The following APOC4 variants were observed in gnomAD, a reference collection of about 807,000 sequenced individuals.
The protein encoded by APOC4 is apolipoprotein C-IV.
In APOC4, 10 loss-of-function variants were observed where a neutral mutation model predicts 8.4. That is an observed-to-expected ratio of 1.19 (90% confidence interval 0.74 to 2.03). APOC4 has a LOEUF of 2.03. APOC4 is among the 30% of genes most tolerant of loss of function. The pLI, the probability that APOC4 is intolerant of heterozygous loss-of-function variation, is 0.00. For synonymous variants in APOC4, 59 were observed against 65.8 expected (o/e 0.90, Z 0.50); for missense variants, 160 against 156.1 (o/e 1.02, Z -0.13).
In APOC4 at chr19:44,942,348, T is replaced by C. The variant is rs774128549; in HGVS notation, c.71T>C (p.Ile24Thr). The C allele has an allele frequency of 5.6e-5, 90 of 1,612,410 alleles. No individual in the cohort carries two copies. Among genetic ancestry groups the C allele is most frequent in the South Asian group, 2.7e-4 (25 of 90,924 alleles). Residue 24 changes from isoleucine to threonine, a missense_variant, in exon 1 of 3, where the codon ATT becomes ACT. By Grantham distance (89) the Ile-to-Thr change is moderately conservative. Transcript: ENST00000592954. Reference sequence around the variant, plus strand: ...CTCTGCGTGCTGGTCCTGGCCTGCATTGGGGGTGAGAAGAAGTGGGTGGAG... The same window carrying C: ...CTCTGCGTGCTGGTCCTGGCCTGCACTGGGGGTGAGAAGAAGTGGGTGGAG... ...LCLCVLVLAC[I>T]GACQPEAQEG...
chr19:44,944,977 A>T, intron 2 of APOC4, 87 bp downstream of exon 2: 1 of 1,526,898 alleles, frequency 6.5e-7, no homozygotes, highest in South Asian at 1.3e-5. Context: ...AGTCTCAGGG[A>T]GGAGGAAAGG....
intron 1 of APOC4, among the ~76,000 whole-genome samples, chr19:44,943,651 C>A (rs186451745): frequency 6.6e-6 from 1 of 151,590 alleles, no homozygotes; most frequent in African/African-American, 2.4e-5. Context: ...CACTTGAACC[C>A]GGGAGGCAGA....
chr19:44,944,477 A>C (rs1476202625), intron 1 of APOC4, among the ~76,000 whole-genome samples: 1 of 151,874 alleles, frequency 6.6e-6, no homozygotes, highest in Non-Finnish European at 1.5e-5. Context: ...CAATGAGACG[A>C]GATCATGACA....
rs748169805 is a variant in APOC4, at chr19:44,945,260, C to T, written c.339C>T (p.His113=). The T allele has an allele frequency of 1.2e-6, 2 of 1,614,066 alleles. No individual in the cohort carries two copies. The highest frequency in any genetic ancestry group is 1.1e-5 in the South Asian group (1 of 91,078). ...AAGACAGCCTCTTGAAGAAGACCCA[C>T]AGCCTGTGCCCCAGGCTTGTCTGTG... ...ESKDSLLKKT[H]SLCPRLVCGD... Residue 113 remains histidine (H), a synonymous_variant, in exon 3 of 3, where the codon CAC becomes CAT. Coordinates refer to ENST00000592954, the MANE Select transcript of APOC4 (RefSeq NM_001646.3).
In APOC4 at chr19:44,942,298, G is replaced by A. The variant is rs565473757; in HGVS notation, c.21G>A (p.Arg7=). 1 of 1,613,010 alleles carries A rather than the reference G, an allele frequency of 6.2e-7. No homozygotes were observed. The highest frequency in any genetic ancestry group is 8.5e-7 in the Non-Finnish European group (1 of 1,179,504). MSLLRN[R]LQALPALCLC... is the part of the protein sequence containing the mutation. ...CAGAAATGTCCCTCCTCAGAAACAG[G>A]CTCCAGGCCCTGCCTGCCCTGTGCC... The change falls in exon 1 of 3, where the codon AGG becomes AGA. Residue 7 remains arginine, a synonymous_variant. Transcript: ENST00000592954.
In APOC4 at chr19:44,943,671, G is replaced by A. The variant is rs552641893; in HGVS notation, c.77-1078G>A. On this transcript the variant is annotated intron_variant, in intron 1 of 2. Transcript: ENST00000592954. ...GAACCCGGGAGGCAGAGGTTGCAGT[G>A]AGCCGAGATCGCGCCACTGCATTCC... is the stretch of plus-strand genomic sequence containing the variant. 3.2e-4 allele frequency among the ~76,000 whole-genome samples: 49 copies of A among 151,948 alleles called. 2 individuals carry two copies. The highest frequency in any genetic ancestry group is 1.1e-3 in the African/African-American group (47 of 41,466).
Position 44,945,386 on chromosome 19 carries a change from T to G in APOC4, c.*81T>G, listed in dbSNP as rs970658318. 2.7e-6 allele frequency: 4 copies of G among 1,468,318 alleles called. No homozygotes were observed. In the African/African-American group the frequency reaches 5.6e-5, roughly 21 times the overall value. 91.0% of individuals were successfully genotyped at this position (1,468,318 alleles called of 1,614,324 possible). On this transcript the variant is annotated 3_prime_UTR_variant, in exon 3 of 3. Coordinates refer to ENST00000592954, the MANE Select transcript of APOC4 (RefSeq NM_001646.3). Reference sequence around the variant, plus strand: ...AGGAGGCTGAGGTAGGATGATGGCTTGAGCCCAGGAGTTCGAGACCAGCCT... The same window carrying G: ...AGGAGGCTGAGGTAGGATGATGGCTGGAGCCCAGGAGTTCGAGACCAGCCT...
At chr19:44,944,189 A>G (rs1970290577) in intron 1 of APOC4, among the ~76,000 whole-genome samples, 1 of 152,072 alleles carries the variant, frequency 6.6e-6, no homozygotes, top group Non-Finnish European at 1.5e-5. Context: ...AGGCCATTAG[A>G]GGGGAACCAC....
chr19:44,942,591 G>A (rs1167429062), intron 1 of APOC4, among the ~76,000 whole-genome samples: 1 of 149,876 alleles, frequency 6.7e-6, no homozygotes. Flanking sequence ...CGTGGAAGTG[G>A]GAGTATGCAG....
chr19:44,943,788 G>A (rs942650224), intron 1 of APOC4, among the ~76,000 whole-genome samples: 5 of 152,156 alleles, frequency 3.3e-5, no homozygotes, highest in Admixed American at 2.0e-4. Context: ...CATGTGCATC[G>A]TATGTAGTAA....
At chr19:44,943,954 G>A (rs2122200288) in intron 1 of APOC4, among the ~76,000 whole-genome samples, 1 of 152,294 alleles carries the variant, frequency 6.6e-6, no homozygotes, top group Middle Eastern at 3.4e-3. Context: ...GCGAGGCTTT[G>A]TCCAGATGCG....
intron 1 of APOC4, 25 bp downstream of exon 1, chr19:44,942,378 G>T: frequency 1.2e-6 from 2 of 1,610,376 alleles, no homozygotes; most frequent in East Asian, 2.2e-5. Flanking sequence ...GTGGAGGGAT[G>T]TGGGGCCCAC....
chr19:44,942,458 T>TGTGCGTTTCATGGCGTGC, intron 1 of APOC4, 105 bp downstream of exon 1: 1 of 1,137,300 alleles, frequency 8.8e-7, no homozygotes, highest in Non-Finnish European at 1.2e-6. Flanking sequence ...GTACGGAGTG[T>TGTGCGTTTCATGGCGTGC]GTGCGTTTCA....
chr19:44,943,619 C>T (rs957046041), intron 1 of APOC4, among the ~76,000 whole-genome samples: 18 of 151,512 alleles, frequency 1.2e-4, no homozygotes, highest in African/African-American at 3.6e-4. Context: ...CCCAGCTACT[C>T]GGGAGGCTGA....
At chr19:44,943,216 T>G (rs1371626630) in intron 1 of APOC4, among the ~76,000 whole-genome samples, 1 of 151,812 alleles carries the variant, frequency 6.6e-6, no homozygotes, top group Non-Finnish European at 1.5e-5. Context: ...CCACTGCGCC[T>G]GGCCAATGCC....
At chr19:44,942,714 AGT>A (rs1404890543) in intron 1 of APOC4, among the ~76,000 whole-genome samples, 1 of 147,486 alleles carries the variant, frequency 6.8e-6, no homozygotes, top group African/African-American at 2.5e-5. Context: ...TGAGGGGGTG[AGT>A]GTGTGCTGGT....
In APOC4 at chr19:44,944,456, G is replaced by A. The variant is rs1008178515; in HGVS notation, c.77-293G>A. Among the ~76,000 whole-genome samples the A allele has an allele frequency of 2.0e-5, 3 of 152,068 alleles. No individual in the cohort carries two copies. In the East Asian group the frequency reaches 5.8e-4, roughly 29 times the overall value. Reference sequence around the variant, plus strand: ...GCAGGAAAATTGCCTGAATCCAGGAGGTGGAGGTTGCAATGAGACGAGATC... The same window carrying A: ...GCAGGAAAATTGCCTGAATCCAGGAAGTGGAGGTTGCAATGAGACGAGATC... On this transcript the variant is annotated intron_variant, in intron 1 of 2. Coordinates refer to ENST00000592954, the MANE Select transcript of APOC4 (RefSeq NM_001646.3).
At position 44,944,827 on chromosome 19, in the gene APOC4, G is replaced by A. The variant is rs12691089; in HGVS notation, c.155G>A (p.Gly52Asp). ...ATGAGTCGCTGGAGCCTGGTGAGGG[G>A]CAGGATGAAGGAGCTGCTGGAGACA... ...LKMSRWSLVR[G>D]RMKELLETVV... is the part of the protein sequence containing the mutation. Residue 52 changes from glycine (G) to aspartate (D), a missense_variant, in exon 2 of 3, where the codon GGC becomes GAC. Physicochemically the swap from Gly to Asp is moderately conservative, Grantham distance 94. Transcript: ENST00000592954. 4.9e-3 allele frequency: 7,819 copies of A among 1,608,914 alleles called. 59 individuals carry two copies. Among genetic ancestry groups the A allele is most frequent in the Non-Finnish European group, 4.0e-3 (4,725 of 1,178,230 alleles).
chr19:44,945,122 A>G lies in APOC4; in HGVS notation c.219-18A>G, dbSNP rs375438169. Reference sequence around the variant, plus strand: ...GGGGAGAGCTGGGGCCTCCACTGTGATGTCCTCTCTCCTGTAGGAGCCCGA... The same window carrying G: ...GGGGAGAGCTGGGGCCTCCACTGTGGTGTCCTCTCTCCTGTAGGAGCCCGA... On this transcript the variant is annotated intron_variant, in intron 2 of 2. Transcript: ENST00000592954. The G allele has an allele frequency of 1.4e-5, 22 of 1,610,694 alleles. No individual in the cohort carries two copies. The highest frequency in any genetic ancestry group is 5.3e-5 in the African/African-American group (4 of 74,882).
Sources: allele counts gnomAD v4.1 joint callset (sites outside exome capture counted in the v4.1 genomes callset), GRCh38; gene constraint gnomAD v4.1.1; transcripts MANE v1.5; gene names NCBI Gene and HGNC (gene_info 2026-07-23, HGNC 2026-07-21).